DTNB: variants seen among roughly 807,000 people sequenced by gnomAD.
DTNB encodes the protein DTN-B.
A neutral mutation model predicts 90.7 loss-of-function variants in DTNB; 63 were observed. The observed-to-expected ratio is 0.69, with a 90% confidence interval of 0.57 to 0.86. The LOEUF is 0.86. DTNB is among the 40% of genes least tolerant of loss of function. DTNB has a pLI of 0.00. For missense variants in DTNB, 744 were observed against 807.1 expected (o/e 0.92, Z 0.95); for synonymous variants, 277 against 286.7 (o/e 0.97, Z 0.34).
At chr2:25,463,034 T>C (rs1056094485) in intron 10 of DTNB, among the ~76,000 whole-genome samples, 6 of 152,214 alleles carry the variant, frequency 3.9e-5, no homozygotes, top group African/African-American at 1.2e-4. Flanking sequence ...AAAGGGATTA[T>C]GGTAACACTC....
intron 16 of DTNB, among the ~76,000 whole-genome samples, chr2:25,391,622 A>G (rs2041148422): frequency 6.6e-6 from 1 of 152,216 alleles, no homozygotes; most frequent in Non-Finnish European, 1.5e-5. Context: ...TGGAGAAATT[A>G]GAACCCTAAT....
At chr2:25,514,709 G>A (rs1345726519) in intron 9 of DTNB, among the ~76,000 whole-genome samples, 1 of 136,942 alleles carries the variant, frequency 7.3e-6, no homozygotes, top group Non-Finnish European at 1.5e-5. Flanking sequence ...TTTTGGTGGG[G>A]ACAGAGTCTT....
At chr2:25,423,126 G>A (rs2050334412) in intron 15 of DTNB, among the ~76,000 whole-genome samples, 1 of 152,148 alleles carries the variant, frequency 6.6e-6, no homozygotes. Context: ...GAATCCGGGA[G>A]GCAGAGGTTG....
At chr2:25,650,033 C>G in intron 2 of DTNB, 4 of 985,356 alleles carry the variant, frequency 4.1e-6, no homozygotes, top group Non-Finnish European at 4.8e-6. Context: ...AAACGTCTCC[C>G]AGACTGACTG....
intron 8 of DTNB, among the ~76,000 whole-genome samples, chr2:25,575,325 T>C (rs191421134): frequency 1.3e-5 from 2 of 151,976 alleles, no homozygotes; most frequent in South Asian, 2.1e-4. Flanking sequence ...AAGAAACAAT[T>C]TGAAAATCTG....
intron 5 of DTNB, among the ~76,000 whole-genome samples, chr2:25,601,210 T>A (rs2065812110): frequency 6.6e-6 from 1 of 152,196 alleles, no homozygotes; most frequent in African/African-American, 2.4e-5. Context: ...GAAAATATTT[T>A]AAAAATTAAA....
intron 2 of DTNB, chr2:25,650,220 T>C: frequency 1.0e-6 from 1 of 985,466 alleles, no homozygotes; most frequent in Non-Finnish European, 1.2e-6. Flanking sequence ...AATTACTGTG[T>C]TTGTGTATTT....
chr2:25,563,586 T>C (rs1436488538), intron 8 of DTNB, among the ~76,000 whole-genome samples: 11 of 152,234 alleles, frequency 7.2e-5, no homozygotes, highest in Non-Finnish European at 1.3e-4. Context: ...TTGTAGCTCT[T>C]ACATTAAGGG....
intron 1 of DTNB, among the ~76,000 whole-genome samples, chr2:25,668,264 T>G (rs540374458): frequency 6.6e-6 from 1 of 151,944 alleles, no homozygotes; most frequent in African/African-American, 2.4e-5. Context: ...AAAAAAGAAA[T>G]GAGCTATCAA....
chr2:25,414,304 C>G (rs560626290), intron 16 of DTNB, among the ~76,000 whole-genome samples: 1 of 152,122 alleles, frequency 6.6e-6, no homozygotes, highest in Non-Finnish European at 1.5e-5. Context: ...GGCTGAAGTG[C>G]GGAGTGCAGT....
chr2:25,427,757 A>G (rs956653161), intron 14 of DTNB, 126 bp from the exon 15 acceptor site: 3 of 788,362 alleles, frequency 3.8e-6, no homozygotes, highest in African/African-American at 1.7e-5. Flanking sequence ...GTCATTTAGC[A>G]TCCAATACCT....
intron 1 of DTNB, among the ~76,000 whole-genome samples, chr2:25,657,367 C>G (rs998365183): frequency 6.6e-6 from 1 of 152,102 alleles, no homozygotes; most frequent in Non-Finnish European, 1.5e-5. Flanking sequence ...AGACAGGCAA[C>G]TGAGTGACAG....
intron 8 of DTNB, among the ~76,000 whole-genome samples, chr2:25,552,908 CG>C (rs2056604617): frequency 8.5e-6 from 1 of 117,582 alleles, no homozygotes; most frequent in Non-Finnish European, 1.6e-5. Context: ...GGTCGGACTG[CG>C]GACTGCAGTG....
intron 16 of DTNB, among the ~76,000 whole-genome samples, chr2:25,408,686 T>A (rs1435015289): frequency 2.0e-5 from 3 of 152,070 alleles, no homozygotes; most frequent in Non-Finnish European, 4.4e-5. Flanking sequence ...CAAAGTATGA[T>A]TAGGAGTAAA....
chr2:25,568,745 CG>C (rs1316904047), intron 8 of DTNB, among the ~76,000 whole-genome samples: 3 of 152,200 alleles, frequency 2.0e-5, no homozygotes, highest in African/African-American at 7.2e-5. Flanking sequence ...AAGATCACTG[CG>C]ACAATGTCTC....
chr2:25,380,842 G>GC (rs2037485756), intron 19 of DTNB, among the ~76,000 whole-genome samples: 1 of 151,952 alleles, frequency 6.6e-6, no homozygotes, highest in South Asian at 2.1e-4. Flanking sequence ...GGACCTGGAG[G>GC]CCCGGGCAAG....
At chr2:25,386,236 G>C (rs1213580398) in intron 18 of DTNB, 1 of 419,844 alleles carries the variant, frequency 2.4e-6, no homozygotes, top group Admixed American at 6.4e-5. Context: ...CTTGAGAGCA[G>C]AGCTGGGGGC....
At chr2:25,525,279 G>C (rs1355403424) in intron 9 of DTNB, among the ~76,000 whole-genome samples, 1 of 152,266 alleles carries the variant, frequency 6.6e-6, no homozygotes, top group East Asian at 1.9e-4. Flanking sequence ...TTGGGAAAAG[G>C]AAAGCGTGAT....
At chr2:25,455,656 G>A (rs562338607) in intron 10 of DTNB, among the ~76,000 whole-genome samples, 162 bp from the exon 11 acceptor site, 8 of 152,350 alleles carry the variant, frequency 5.3e-5, no homozygotes, top group Middle Eastern at 3.4e-3. Context: ...GGAATATGGT[G>A]TTAGATCCTC....
Sources: allele counts gnomAD v4.1 joint callset (sites outside exome capture counted in the v4.1 genomes callset), GRCh38; gene constraint gnomAD v4.1.1; transcripts MANE v1.5; gene names NCBI Gene and HGNC (gene_info 2026-07-23, HGNC 2026-07-21).